The following SMARCC1 variants were observed in gnomAD, a reference collection of about 807,000 sequenced individuals.
SMARCC1 encodes the protein SWI/SNF complex subunit SMARCC1.
Under a neutral mutation model 147.4 loss-of-function variants are expected in SMARCC1, and 43 were observed. The observed-to-expected ratio is 0.29, with a 90% CI of 0.23 to 0.38. The LOEUF is 0.38. SMARCC1 is among the 10% of genes least tolerant of loss of function. SMARCC1 has a pLI of 1.00. For missense variants in SMARCC1, 1,119 were observed against 1,381.1 expected, an observed-to-expected ratio of 0.81 and a Z score of 3.01; for synonymous variants, 495 against 484.4, an observed-to-expected ratio of 1.02 and a Z score of -0.29.
intron 26 of SMARCC1, among the ~76,000 whole-genome samples, chr3:47,596,960 C>A (rs2032293669): frequency 6.6e-6 from 1 of 151,560 alleles, no homozygotes; most frequent in Non-Finnish European, 1.5e-5. Flanking sequence ...CTTTGGGAGG[C>A]CGAGGCAGGC....
intron 24 of SMARCC1, among the ~76,000 whole-genome samples, chr3:47,624,133 A>C (rs1210620421): frequency 2.0e-5 from 3 of 152,006 alleles, no homozygotes; most frequent in Non-Finnish European, 4.4e-5. Flanking sequence ...TCTACTAAAA[A>C]TTAAAAAATT....
At chr3:47,679,530 G>A (rs955176449) in intron 15 of SMARCC1, among the ~76,000 whole-genome samples, 1 of 152,152 alleles carries the variant, frequency 6.6e-6, no homozygotes, top group African/African-American at 2.4e-5. Context: ...TGGATGAATA[G>A]AAACAATCCA....
At chr3:47,665,674 A>C (rs1034699562) in intron 19 of SMARCC1, among the ~76,000 whole-genome samples, 10 of 152,146 alleles carry the variant, frequency 6.6e-5, no homozygotes, top group Non-Finnish European at 1.3e-4. Flanking sequence ...AAGAGAGGCA[A>C]ATTAAAGTGA....
At chr3:47,710,946 A>C in intron 8 of SMARCC1, 138 bp from the exon 9 acceptor site, 1 of 549,730 alleles carries the variant, frequency 1.8e-6, no homozygotes, top group South Asian at 2.8e-5. Context: ...ACTACTAATG[A>C]TATGTGAGTT....
At chr3:47,641,181 C>T (rs1576396299) in intron 21 of SMARCC1, among the ~76,000 whole-genome samples, 1 of 152,178 alleles carries the variant, frequency 6.6e-6, no homozygotes, top group East Asian at 1.9e-4. Context: ...AAAGCCAACA[C>T]AGTCAATTAA....
intron 2 of SMARCC1, among the ~76,000 whole-genome samples, chr3:47,764,669 G>A (rs2034815259): frequency 6.6e-6 from 1 of 152,134 alleles, no homozygotes. Flanking sequence ...AACTGGTCAT[G>A]CTACATCATG....
chr3:47,753,426 A>G (rs1181591115), intron 2 of SMARCC1, among the ~76,000 whole-genome samples: 4 of 151,806 alleles, frequency 2.6e-5, no homozygotes, highest in African/African-American at 4.8e-5. Context: ...CATAAAAGAC[A>G]AAGTAGGCCG....
At position 47,636,786 on chromosome 3, in the gene SMARCC1, A is replaced by ATGTG. The variant is rs771728075; in HGVS notation, c.2377-651_2377-650insCACA. The stretch of plus-strand genomic sequence containing the variant: ...CAACAACAACCACAACAAAATATAT[A>ATGTG]TATGTGTGTGTGTGTGTGTGTGTGT... On this transcript the variant is annotated intron_variant, in intron 22 of 27. Coordinates refer to ENST00000254480, the MANE Select transcript of SMARCC1 (RefSeq NM_003074.4). 4.6e-3 allele frequency among the ~76,000 whole-genome samples: 651 copies of ATGTG among 140,962 alleles called. 6 individuals carry two copies. Among genetic ancestry groups the ATGTG allele is most frequent in the East Asian group, 7.0e-3 (33 of 4,714 alleles). 92.5% of individuals were successfully genotyped at this position (140,962 alleles called of 152,430 possible).
chr3:47,657,775 T>C (rs1339148985), intron 21 of SMARCC1, among the ~76,000 whole-genome samples: 5 of 151,682 alleles, frequency 3.3e-5, no homozygotes, highest in Admixed American at 3.3e-4. Context: ...ATCACACCAC[T>C]GCACTTCAGC....
At chr3:47,671,995 A>G (rs1467791388) in intron 18 of SMARCC1, among the ~76,000 whole-genome samples, 3 of 152,232 alleles carry the variant, frequency 2.0e-5, no homozygotes, top group Non-Finnish European at 4.4e-5. Flanking sequence ...CTGATTTGCT[A>G]CATCTCTGGG....
At chr3:47,746,096 A>C in intron 2 of SMARCC1, 103 bp from the exon 3 acceptor site, 1 of 655,364 alleles carries the variant, frequency 1.5e-6, no homozygotes, top group South Asian at 2.4e-5. Flanking sequence ...AACAAATACT[A>C]ATTAAACAAC....
intron 24 of SMARCC1, among the ~76,000 whole-genome samples, chr3:47,629,201 T>G (rs1156334786): frequency 1.3e-5 from 2 of 152,178 alleles, no homozygotes; most frequent in African/African-American, 4.8e-5. Context: ...GTCTCACCCC[T>G]ACTATACTAG....
At chr3:47,717,675 T>A (rs1018901929) in intron 7 of SMARCC1, among the ~76,000 whole-genome samples, 1 of 152,126 alleles carries the variant, frequency 6.6e-6, no homozygotes, top group Non-Finnish European at 1.5e-5. Context: ...GTAATCCTCC[T>A]GCCTCAGCCC....
chr3:47,662,459 A>G lies in SMARCC1; in HGVS notation c.2033T>C (p.Leu678Pro). The change falls in exon 20 of 28, where the codon CTT becomes CCT. Residue 678 changes from leucine to proline, a missense_variant. Physicochemically the swap from Leu to Pro is moderately conservative, Grantham distance 98. This residue lies in a region of SMARCC1 where 178 missense variants were observed against 264.6 expected (regional missense o/e 0.67). Coordinates refer to ENST00000254480, the MANE Select transcript of SMARCC1 (RefSeq NM_003074.4). ...DPYLENSDAS[L>P]GPLAYQPVPF... ...GACAGGCTGGTAGGCCAAAGGCCCA[A>G]GGGAAGCATCTGAATTCTCAAGGTA... is the stretch of plus-strand genomic sequence containing the variant. 6.2e-7 allele frequency: 1 copy of G among 1,614,232 alleles called. No homozygotes were observed. The highest frequency in any genetic ancestry group is 8.5e-7 in the Non-Finnish European group (1 of 1,180,040).
rs149363143 is a variant in SMARCC1 at position 47,633,779 on chromosome 3, T to TACACACACACACACACAC, written c.2646+1393_2646+1410dup. Among the ~76,000 whole-genome samples the TACACACACACACACACAC allele has an allele frequency of 9.0e-4, 26 of 28,874 alleles. 2 individuals are homozygous for TACACACACACACACACAC. The highest frequency in any genetic ancestry group is 1.5e-3 in the East Asian group (1 of 648). 18.9% of individuals were successfully genotyped at this position (28,874 alleles called of 152,430 possible). A position where few individuals can be genotyped will look rare whatever the true frequency, so the allele number is the denominator to read the frequency against. On this transcript the variant is annotated intron_variant, in intron 24 of 27. Transcript: ENST00000254480. ...AAAAAAAAAAATATATATATATATATACACACACACACACACACACACACA... is the reference window on the plus strand; with the variant it reads ...AAAAAAAAAAATATATATATATATATACACACACACACACACACACACACACACACACACACACACACA...
At chr3:47,632,870 CAGAG>C (rs1181041439) in intron 24 of SMARCC1, among the ~76,000 whole-genome samples, 2 of 151,674 alleles carry the variant, frequency 1.3e-5, no homozygotes, top group Non-Finnish European at 2.9e-5. Context: ...AAATTGCAGC[CAGAG>C]AGAGATAGGG....
intron 6 of SMARCC1, among the ~76,000 whole-genome samples, chr3:47,724,050 C>T (rs536008048): frequency 5.3e-5 from 8 of 152,166 alleles, no homozygotes; most frequent in Admixed American, 3.3e-4. Flanking sequence ...GGAACCATTG[C>T]GCACCGTTGG....
chr3:47,725,691 A>G (rs2034290111), intron 6 of SMARCC1, among the ~76,000 whole-genome samples: 2 of 148,660 alleles, frequency 1.3e-5, no homozygotes, highest in South Asian at 4.6e-4. Context: ...GCCTCAGGTG[A>G]TCCGCCTGCC....
chr3:47,777,053 C>T (rs1036531053), intron 1 of SMARCC1, among the ~76,000 whole-genome samples: 5 of 151,026 alleles, frequency 3.3e-5, no homozygotes, highest in African/African-American at 9.7e-5. Context: ...GGATTATAGG[C>T]GTGAGCCACT....
Sources: gnomAD v4.1 joint callset for allele counts (sites outside exome capture counted in the v4.1 genomes callset) on GRCh38, gnomAD v4.1.1 for gene constraint, gnomAD v4.1.1 regional missense constraint, MANE v1.5 for transcripts, NCBI Gene and HGNC (gene_info 2026-07-23, HGNC 2026-07-21) for gene names.